DNAH11: variants seen among roughly 807,000 people sequenced by gnomAD.
DNAH11 encodes the protein axonemal beta dynein heavy chain 11.
Under a neutral mutation model 526.0 loss-of-function variants are expected in DNAH11, and 442 were observed. The ratio of observed to expected loss-of-function variants is 0.84; its 90% CI spans 0.78 to 0.91. The LOEUF is 0.91. Among genes scored for constraint, DNAH11 ranks in the 40% least tolerant of loss-of-function variants. The pLI is 0.00. For synonymous variants in DNAH11, 2,461 were observed against 1,935.9 expected, an observed-to-expected ratio of 1.27 and a Z score of -7.12; for missense variants, 6,989 against 5,448.7, an observed-to-expected ratio of 1.28 and a Z score of -8.90.
intron 30 of DNAH11, among the ~76,000 whole-genome samples, chr7:21,678,931 G>T (rs553647727): frequency 6.6e-6 from 1 of 152,078 alleles, no homozygotes; most frequent in Non-Finnish European, 1.5e-5. Context: ...GTGCACTCCC[G>T]TGTTCATTGC....
chr7:21,687,597 C>G, intron 34 of DNAH11, 70 bp downstream of exon 34: 1 of 1,523,196 alleles, frequency 6.6e-7, no homozygotes, highest in East Asian at 2.4e-5. Context: ...ACCTCCCCTT[C>G]ACTGTCTATT....
At chr7:21,803,362 C>G (rs1029249595) in intron 62 of DNAH11, among the ~76,000 whole-genome samples, 1 of 152,182 alleles carries the variant, frequency 6.6e-6, no homozygotes, top group Non-Finnish European at 1.5e-5. Flanking sequence ...CCCTCTGCCT[C>G]TCCACGCTCA....
chr7:21,705,555 A>G lies in DNAH11; in HGVS notation c.6546+18A>G. ...AGAGTAAGGTATAGTAAATTGCCTA[A>G]TAGCTTACAGCTATGGAAAGAACAT... On this transcript the variant is annotated intron_variant, in intron 39 of 81. Coordinates refer to ENST00000409508, the MANE Select transcript of DNAH11 (RefSeq NM_001277115.2). The G allele has an allele frequency of 1.9e-6, 3 of 1,610,732 alleles. No individual in the cohort carries two copies. The highest frequency in any genetic ancestry group is 2.5e-6 in the Non-Finnish European group (3 of 1,177,224).
At chr7:21,765,932 TA>T (rs776986322) in intron 55 of DNAH11, among the ~76,000 whole-genome samples, 12 of 152,182 alleles carry the variant, frequency 7.9e-5, no homozygotes, top group Non-Finnish European at 1.5e-4. Context: ...TTGCTGATTA[TA>T]AATCCTTTAA....
intron 56 of DNAH11, among the ~76,000 whole-genome samples, chr7:21,775,894 A>G (rs952301067): frequency 4.6e-5 from 7 of 152,190 alleles, no homozygotes; most frequent in African/African-American, 1.7e-4. Flanking sequence ...AAATGATAGT[A>G]TTGTCACCCA....
At chr7:21,792,599 A>G (rs915431133) in intron 61 of DNAH11, among the ~76,000 whole-genome samples, 1 of 151,892 alleles carries the variant, frequency 6.6e-6, no homozygotes, top group Non-Finnish European at 1.5e-5. Flanking sequence ...CGGGTTTTCT[A>G]TTTCTTCATG....
chr7:21,760,092 C>G (rs1380686012), intron 54 of DNAH11, among the ~76,000 whole-genome samples: 3 of 151,842 alleles, frequency 2.0e-5, no homozygotes, highest in Non-Finnish European at 4.4e-5. Context: ...AGCCAATTTG[C>G]TCACTTGCAA....
At chr7:21,664,590 C>G (rs532565534) in intron 30 of DNAH11, among the ~76,000 whole-genome samples, 2 of 152,022 alleles carry the variant, frequency 1.3e-5, no homozygotes, top group Non-Finnish European at 2.9e-5. Flanking sequence ...TCCTGAGTAG[C>G]TAGGACCACA....
chr7:21,717,549 A>C (rs1444707996), intron 42 of DNAH11, among the ~76,000 whole-genome samples: 2 of 152,170 alleles, frequency 1.3e-5, no homozygotes, highest in African/African-American at 2.4e-5. Context: ...TCTGAGTGCT[A>C]TTAGGAGTTT....
At chr7:21,883,716 C>G (rs1399904114) in intron 75 of DNAH11, among the ~76,000 whole-genome samples, 2 of 152,152 alleles carry the variant, frequency 1.3e-5, no homozygotes, top group Non-Finnish European at 2.9e-5. Flanking sequence ...TCCCTGCAAA[C>G]ATGTTCTAGG....
chr7:21,681,317 C>T (rs1783127197), intron 30 of DNAH11, among the ~76,000 whole-genome samples: 1 of 151,918 alleles, frequency 6.6e-6, no homozygotes, highest in Non-Finnish European at 1.5e-5. Flanking sequence ...ATCCCAACTA[C>T]TAGGGAGGCT....
At chr7:21,588,372 C>A in intron 10 of DNAH11, 140 bp from the exon 11 acceptor site, 1 of 1,321,874 alleles carries the variant, frequency 7.6e-7, no homozygotes, top group South Asian at 1.4e-5. Flanking sequence ...AGGACTGTAA[C>A]TCTTCTAGTA....
intron 25 of DNAH11, among the ~76,000 whole-genome samples, chr7:21,621,349 G>A (rs1257654432): frequency 2.0e-5 from 3 of 152,038 alleles, no homozygotes; most frequent in African/African-American, 7.3e-5. Flanking sequence ...CAACCAAAAA[G>A]AGTCCAGGAC....
At chr7:21,865,108 A>G (rs1562591969) in intron 70 of DNAH11, among the ~76,000 whole-genome samples, 1 of 149,506 alleles carries the variant, frequency 6.7e-6, no homozygotes, top group Non-Finnish European at 1.5e-5. Flanking sequence ...AGAATATTTT[A>G]GAGAAATAAG....
At position 21,570,195 on chromosome 7, in the gene DNAH11, T is replaced by C; in HGVS notation, c.1321T>C (p.Leu441=). The C allele has an allele frequency of 6.2e-7, 1 of 1,613,480 alleles. No homozygotes were observed. Reference sequence around the variant, plus strand: ...CTCCTTTTTCAACTATAGAAAAAAATTGGCAAGCTACTTTATGGGAAGAAA... The same window carrying C: ...CTCCTTTTTCAACTATAGAAAAAAACTGGCAAGCTACTTTATGGGAAGAAA... ...KNSFFNYRKK[L]ASYFMGRKLR... Residue 441 remains leucine, a synonymous_variant, in exon 7 of 82, where the codon TTG becomes CTG. Transcript: ENST00000409508.
At chr7:21,743,094 T>C (rs73682695) in intron 49 of DNAH11, among the ~76,000 whole-genome samples, 39,348 of 152,140 alleles carry the variant, frequency 0.26, 5,567 homozygotes, top group East Asian at 0.47. Flanking sequence ...CTTAATATTG[T>C]TACATGGGCA....
intron 44 of DNAH11, among the ~76,000 whole-genome samples, chr7:21,721,778 G>C (rs1464551487): frequency 6.6e-6 from 1 of 152,078 alleles, no homozygotes; most frequent in Non-Finnish European, 1.5e-5. Flanking sequence ...GATGTGGGAG[G>C]GGGGATCACA....
chr7:21,811,426 A>G (rs1789515839), intron 63 of DNAH11, among the ~76,000 whole-genome samples: 1 of 151,354 alleles, frequency 6.6e-6, no homozygotes, highest in Middle Eastern at 3.4e-3. Context: ...ACTGTACTCC[A>G]GCCTGGGTGA....
chr7:21,735,822 C>T lies in DNAH11; in HGVS notation c.7623C>T (p.Tyr2541=), dbSNP rs1445109158. The change falls in exon 46 of 82, where the codon TAC becomes TAT. Residue 2541 remains tyrosine (Y), a synonymous_variant. Coordinates refer to ENST00000409508, the MANE Select transcript of DNAH11 (RefSeq NM_001277115.2). ...TATCCCGTGTGCCTTTCAACTACTA[C>T]ACGACATCCACAGCTCTGCAAAGTA... ...YIVSRVPFNY[Y]TTSTALQKIL... is the part of the protein sequence containing the mutation. The T allele has an allele frequency of 6.2e-6, 10 of 1,612,072 alleles. No homozygotes were observed. The highest frequency in any genetic ancestry group is 8.5e-6 in the Non-Finnish European group (10 of 1,178,712).
Sources: gnomAD v4.1 joint callset for allele counts (sites outside exome capture counted in the v4.1 genomes callset) on GRCh38, gnomAD v4.1.1 for gene constraint, MANE v1.5 for transcripts, NCBI Gene and HGNC (gene_info 2026-07-23, HGNC 2026-07-21) for gene names.